SEC13: variants seen among roughly 807,000 people sequenced by gnomAD.
SEC13 encodes the protein protein SEC13 homolog.
Under a neutral mutation model 49.2 loss-of-function variants are expected in SEC13, and 25 were observed. The ratio of observed to expected loss-of-function variants is 0.51; its 90% CI spans 0.37 to 0.71. The LOEUF (loss-of-function observed/expected upper bound fraction) is 0.71, where lower values mean the gene tolerates loss of function less well. SEC13 is among the 30% of genes least tolerant of loss of function. The probability of loss-of-function intolerance (pLI) is 0.00; values close to 1 mark genes in which losing one functional copy is unlikely to be tolerated. For synonymous variants in SEC13, 148 were observed against 163.9 expected (o/e 0.90, Z 0.74); for missense variants, 383 against 417.6 (o/e 0.92, Z 0.72).
chr3:10,302,066 C>G (rs1700562964), intron 8 of SEC13, among the ~76,000 whole-genome samples: 1 of 151,932 alleles, frequency 6.6e-6, no homozygotes, highest in African/African-American at 2.4e-5. Flanking sequence ...GGTGAAACCC[C>G]ATCTCATCTC....
intron 4 of SEC13, 22 bp downstream of exon 4, chr3:10,312,557 T>A (rs771257773): frequency 6.2e-7 from 1 of 1,613,380 alleles, no homozygotes; most frequent in African/African-American, 1.3e-5. Context: ...CCTTGCCCGC[T>A]CTGCTGCCAA....
Position 10,312,208 on chromosome 3 carries a change from A to C in SEC13, c.317-110T>G, listed in dbSNP as rs979859571. ...AATGTCTACAACAAACAACTGTAGG[A>C]GTCACCGGGGGAAGCTGTAACTTGG... On this transcript the variant is annotated intron_variant, in intron 4 of 8. Transcript: ENST00000350697. 1.5e-5 allele frequency: 22 copies of C among 1,451,678 alleles called. No homozygotes were observed. The African/African-American group carries it at 2.9e-4, about 19-fold the overall frequency. 89.9% of individuals were successfully genotyped at this position (1,451,678 alleles called of 1,614,324 possible).
chr3:10,306,726 A>G (rs780755056), intron 5 of SEC13, among the ~76,000 whole-genome samples: 3 of 152,196 alleles, frequency 2.0e-5, no homozygotes, highest in South Asian at 2.1e-4. Flanking sequence ...ATGATAGTGA[A>G]TAAGTCTCGC....
chr3:10,318,011 T>C (rs775906167), intron 2 of SEC13, 39 bp downstream of exon 2: 15 of 1,464,814 alleles, frequency 1.0e-5, no homozygotes, highest in South Asian at 1.2e-5. Flanking sequence ...AAAATGCCCA[T>C]GTCCACACCC....
chr3:10,301,744 C>G (rs1700533900), intron 8 of SEC13, among the ~76,000 whole-genome samples: 1 of 152,136 alleles, frequency 6.6e-6, no homozygotes, highest in Non-Finnish European at 1.5e-5. Flanking sequence ...TTCTTGGGGC[C>G]TGGAACAACT....
intron 8 of SEC13, among the ~76,000 whole-genome samples, chr3:10,301,750 C>CAACT (rs1257661168): frequency 6.6e-6 from 1 of 152,154 alleles, no homozygotes; most frequent in African/African-American, 2.4e-5. Flanking sequence ...GGGCCTGGAA[C>CAACT]AACTGATTAG....
chr3:10,304,762 T>A (rs1170706953), intron 7 of SEC13, among the ~76,000 whole-genome samples: 1 of 152,186 alleles, frequency 6.6e-6, no homozygotes, highest in East Asian at 1.9e-4. Flanking sequence ...GGCGCCCTAG[T>A]CTCACATGGG....
intron 5 of SEC13, among the ~76,000 whole-genome samples, chr3:10,307,216 T>G (rs1440802675): frequency 1.3e-5 from 2 of 151,070 alleles, no homozygotes; most frequent in Non-Finnish European, 3.0e-5. Flanking sequence ...CACTGCCTTT[T>G]TTTTTTTTTT....
chr3:10,310,777 A>T (rs760036754), intron 5 of SEC13, among the ~76,000 whole-genome samples: 15 of 152,254 alleles, frequency 9.9e-5, no homozygotes, highest in South Asian at 4.1e-4. Context: ...CTTATCTGCA[A>T]ATGTTCATAG....
In SEC13 at chr3:10,305,215, C is replaced by T. The variant is rs2125247616; in HGVS notation, c.585-59G>A. 3 of 1,544,594 alleles carry T rather than the reference C, an allele frequency of 1.9e-6. No homozygotes were observed. In the South Asian group the frequency reaches 3.8e-5, roughly 19 times the overall value. The stretch of plus-strand genomic sequence containing the variant: ...GGCCGTTCCCACACCTCAACTCCTC[C>T]CCAACCCAACAGGCTCTGCCTGGGG... On this transcript the variant is annotated intron_variant, in intron 6 of 8. Transcript: ENST00000350697.
chr3:10,312,247 CAAAA>C (rs1701319628), intron 4 of SEC13, 149 bp from the exon 5 acceptor site: 8 of 1,341,672 alleles, frequency 6.0e-6, no homozygotes, highest in South Asian at 1.5e-5. Flanking sequence ...ACTGAGGACA[CAAAA>C]AAACCCCATC....
At chr3:10,317,959 C>T (rs1007125206) in intron 2 of SEC13, 91 bp downstream of exon 2, 1 of 831,380 alleles carries the variant, frequency 1.2e-6, no homozygotes, top group South Asian at 1.5e-5. Flanking sequence ...GAATGATCAA[C>T]AGAAAGGGGT....
chr3:10,305,608 T>C lies in SEC13; in HGVS notation c.535A>G (p.Ile179Val). ...CAGCCACCTGATGCAAACCTCTTGATGTAATTGGGTTTCTGCCCCGATGGG... is the reference window on the plus strand; with the variant it reads ...CAGCCACCTGATGCAAACCTCTTGACGTAATTGGGTTTCTGCCCCGATGGG... ...DHPSGQKPNY[I>V]KRFASGGCDN... Residue 179 changes from isoleucine to valine, a missense_variant, in exon 6 of 9, where the codon ATC becomes GTC. Transcript: ENST00000350697. 1 of 1,614,162 alleles carries C rather than the reference T, an allele frequency of 6.2e-7. No individual in the cohort carries two copies. Among genetic ancestry groups the C allele is most frequent in the Non-Finnish European group, 8.5e-7 (1 of 1,180,010 alleles).
chr3:10,316,732 A>C (rs1235904497), intron 2 of SEC13, among the ~76,000 whole-genome samples: 1 of 152,180 alleles, frequency 6.6e-6, no homozygotes, highest in African/African-American at 2.4e-5. Context: ...TATTGAATGA[A>C]AACTCACGCC....
Position 10,311,903 on chromosome 3 carries a change from C to G in SEC13, c.450+62G>C, listed in dbSNP as rs751177288. On this transcript the variant is annotated intron_variant, in intron 5 of 8. Coordinates refer to ENST00000350697, the MANE Select transcript of SEC13 (RefSeq NM_183352.3). ...CCTCCCGTGCCACCCTCTAGGGAGG[C>G]TGCAGCAGACACGGGGCAAGGCAGG... 1.9e-6 allele frequency: 3 copies of G among 1,613,884 alleles called. No homozygotes were observed. In the East Asian group the frequency reaches 6.7e-5, roughly 36 times the overall value.
At chr3:10,312,248 A>C in intron 4 of SEC13, 150 bp from the exon 5 acceptor site, 1 of 1,338,180 alleles carries the variant, frequency 7.5e-7, no homozygotes. Flanking sequence ...CTGAGGACAC[A>C]AAAAAACCCC....
rs754633874 is a variant in SEC13 at position 10,301,236 on chromosome 3, G to A, written c.*25C>T. 5.0e-6 allele frequency: 8 copies of A among 1,614,172 alleles called. No homozygotes were observed. Among genetic ancestry groups the A allele is most frequent in the Non-Finnish European group, 5.1e-6 (6 of 1,180,018 alleles). On this transcript the variant is annotated 3_prime_UTR_variant, in exon 9 of 9. Transcript: ENST00000350697. Reference sequence around the variant, plus strand: ...AGGGGCAGTCCTGGAGCTGGCGGGTGGGGAGCCAGGCCCCACCTGTCTTGT... The same window carrying A: ...AGGGGCAGTCCTGGAGCTGGCGGGTAGGGAGCCAGGCCCCACCTGTCTTGT...
intron 4 of SEC13, among the ~76,000 whole-genome samples, 167 bp from the exon 5 acceptor site, chr3:10,312,265 T>TA (rs1701321487): frequency 6.6e-6 from 1 of 152,176 alleles, no homozygotes; most frequent in African/African-American, 2.4e-5. Flanking sequence ...CCCCATCACC[T>TA]ACTAATACCA....
chr3:10,315,972 C>G (rs1198452100), intron 2 of SEC13, among the ~76,000 whole-genome samples: 3 of 152,234 alleles, frequency 2.0e-5, no homozygotes, highest in African/African-American at 7.2e-5. Context: ...CTTTCCAGCC[C>G]TGGCCCTGGA....
Sources: allele counts gnomAD v4.1 joint callset (sites outside exome capture counted in the v4.1 genomes callset), GRCh38; gene constraint gnomAD v4.1.1; transcripts MANE v1.5; gene names NCBI Gene and HGNC (gene_info 2026-07-23, HGNC 2026-07-21).